The following CTSB variants were observed in gnomAD, a reference collection of about 807,000 sequenced individuals.
The protein encoded by CTSB is APP secretase.
A neutral mutation model predicts 44.3 loss-of-function variants in CTSB; 57 were observed. The observed-to-expected ratio is 1.29, with a 90% CI of 1.04 to 1.60. The LOEUF (loss-of-function observed/expected upper bound fraction) is 1.60. Ranked by LOEUF, CTSB falls within the 40% of genes most tolerant of loss-of-function variation. The pLI is 0.00. For missense variants in CTSB, 768 were observed against 443.0 expected (o/e 1.73, Z -6.59); for synonymous variants, 320 against 168.0 (o/e 1.91, Z -7.00).
intron 7 of CTSB, 73 bp downstream of exon 7, chr8:11,847,606 G>A (rs950411269): frequency 1.4e-5 from 20 of 1,468,890 alleles, no homozygotes; most frequent in South Asian, 2.9e-5. Flanking sequence ...TGACCTCTTC[G>A]CTGCAGCGTG....
At position 11,844,871 on chromosome 8, in the gene CTSB, T is replaced by A; in HGVS notation, c.*254A>T. 2 of 465,672 alleles carry A rather than the reference T, an allele frequency of 4.3e-6. No homozygotes were observed. The highest frequency in any genetic ancestry group is 7.7e-6 in the Non-Finnish European group (2 of 258,738). The allele number at this position is 465,672 out of a possible 1,614,324, so 28.8% of individuals were successfully genotyped here. ...GGCCACAGTCAGCTGGGGCAGCAGG[T>A]ACTCCCTACGGCACTAGTCTACAGG... On this transcript the variant is annotated 3_prime_UTR_variant, in exon 10 of 10. Coordinates refer to ENST00000353047, the MANE Select transcript of CTSB (RefSeq NM_001908.5).
At chr8:11,860,993 T>C (rs1337270699) in intron 1 of CTSB, among the ~76,000 whole-genome samples, 2 of 152,232 alleles carry the variant, frequency 1.3e-5, no homozygotes, top group Non-Finnish European at 2.9e-5. Flanking sequence ...AACTATGCTC[T>C]GTTGTGACCC....
intron 1 of CTSB, chr8:11,867,742 G>GGGAGC (rs1272259427): frequency 6.6e-6 from 1 of 152,248 alleles, no homozygotes; most frequent in African/African-American, 2.4e-5. Context: ...GCCCGGGGAG[G>GGGAGC]GGAGCGGAGG....
At chr8:11,866,645 A>C (rs1379065925) in intron 1 of CTSB, among the ~76,000 whole-genome samples, 1 of 152,156 alleles carries the variant, frequency 6.6e-6, no homozygotes, top group African/African-American at 2.4e-5. Flanking sequence ...GGATCACCTG[A>C]GGTCAGGAGG....
rs772569492 is a variant in CTSB, at chr8:11,853,422, C to A, written c.33G>T (p.Leu11=). The part of the protein sequence containing the change: MWQLWASLCC[L]LVLANARSRP... ...TGCTCCGGGCATTGGCCAACACCAGCAGGCAGCAGAGGGAGGCCCAGAGCT... is the reference window on the plus strand; with the variant it reads ...TGCTCCGGGCATTGGCCAACACCAGAAGGCAGCAGAGGGAGGCCCAGAGCT... Residue 11 remains leucine (L), a synonymous_variant, in exon 2 of 10, where the codon CTG becomes CTT. Coordinates refer to ENST00000353047, the MANE Select transcript of CTSB (RefSeq NM_001908.5). 6.2e-7 allele frequency: 1 copy of A among 1,612,476 alleles called. No homozygotes were observed. The highest frequency in any genetic ancestry group is 8.5e-7 in the Non-Finnish European group (1 of 1,179,768).
chr8:11,862,155 C>T (rs983123797), intron 1 of CTSB, among the ~76,000 whole-genome samples: 4 of 149,876 alleles, frequency 2.7e-5, no homozygotes, highest in Non-Finnish European at 4.4e-5. Flanking sequence ...TGCAGTGAGC[C>T]GAGATCACGC....
chr8:11,863,381 C>T (rs926170389), intron 1 of CTSB, among the ~76,000 whole-genome samples: 1 of 152,016 alleles, frequency 6.6e-6, no homozygotes, highest in Non-Finnish European at 1.5e-5. Context: ...ATCACTTGAA[C>T]CCGGGAGGCG....
At position 11,847,710 on chromosome 8, in the gene CTSB, G is replaced by T; in HGVS notation, c.645C>A (p.Tyr215Ter). 1 of 1,589,040 alleles carries T rather than the reference G, an allele frequency of 6.3e-7. No individual in the cohort carries two copies. The highest frequency in any genetic ancestry group is 1.4e-5 in the African/African-American group (1 of 73,782). ...PKCSKICEPG[Y>*]SPTYKQDKHY... ...GCTTGTCCTGTTTGTAGGTCGGGCT[G>T]TAGCCAGGCTCACAGATCTTGCTAC... Residue 215 changes from tyrosine to a stop codon, truncating the protein, a stop_gained, in exon 7 of 10, where the codon TAC (tyrosine) becomes TAA (stop). Coordinates refer to ENST00000353047, the MANE Select transcript of CTSB (RefSeq NM_001908.5). LOFTEE classifies it high-confidence loss of function.
chr8:11,847,289 G>C, intron 7 of CTSB, 121 bp from the exon 8 acceptor site: 2 of 708,678 alleles, frequency 2.8e-6, no homozygotes, highest in East Asian at 5.0e-5. Context: ...AAGGGGACTT[G>C]CCCTGCCAGG....
chr8:11,864,078 A>C (rs533700543), intron 1 of CTSB, among the ~76,000 whole-genome samples: 1 of 152,244 alleles, frequency 6.6e-6, no homozygotes, highest in South Asian at 2.1e-4. Flanking sequence ...GTAGCAACAG[A>C]AATAAATCTC....
rs757462252 is a variant in CTSB at position 11,845,208 on chromosome 8, G to A, written c.937C>T (p.Leu313Phe). Residue 313 changes from leucine (L) to phenylalanine (F), a missense_variant, in exon 10 of 10, where the codon CTC becomes TTC. By Grantham distance (22) the Leu-to-Phe change is conservative (BLOSUM62 0). Coordinates refer to ENST00000353047, the MANE Select transcript of CTSB (RefSeq NM_001908.5). ...DWGDNGFFKILRGQDHCGIES... is the reference protein window; with the variant it reads ...DWGDNGFFKIFRGQDHCGIES... ...ATTCCACAGTGATCCTGTCCTCTGA[G>A]TATTTTAAAGAAGCCTGGGAATAAA... 12 of 1,612,938 alleles carry A rather than the reference G, an allele frequency of 7.4e-6. No individual in the cohort carries two copies. The highest frequency in any genetic ancestry group is 2.2e-5 in the East Asian group (1 of 44,892).
intron 1 of CTSB, among the ~76,000 whole-genome samples, chr8:11,860,956 T>C (rs1327661299): frequency 2.0e-5 from 3 of 152,260 alleles, no homozygotes; most frequent in Non-Finnish European, 4.4e-5. Flanking sequence ...GGAGCAGCCC[T>C]GCACTGGGTG....
intron 1 of CTSB, among the ~76,000 whole-genome samples, chr8:11,861,014 C>T (rs1816327848): frequency 6.6e-6 from 1 of 152,218 alleles, no homozygotes; most frequent in Admixed American, 6.5e-5. Flanking sequence ...AGAGACCTTT[C>T]CTTTTTGAGT....
intron 1 of CTSB, among the ~76,000 whole-genome samples, chr8:11,856,457 C>CA (rs1258963974): frequency 2.0e-5 from 3 of 151,870 alleles, no homozygotes; most frequent in Non-Finnish European, 2.9e-5. Context: ...CTACTAAATA[C>CA]AAAAAATTAG....
chr8:11,844,440 A>G lies in CTSB; in HGVS notation c.*685T>C, dbSNP rs550545733. 192 of 152,348 alleles carry G rather than the reference A, an allele frequency of 1.3e-3. No individual in the cohort carries two copies. The highest frequency in any genetic ancestry group is 4.4e-3 in the African/African-American group (185 of 41,578). 9.4% of individuals were successfully genotyped at this position (152,348 alleles called of 1,614,324 possible). A position where few individuals can be genotyped will look rare whatever the true frequency, so the allele number is the denominator to read the frequency against. ...TAAACTATTTTCCTTGTGGTAGTAG[A>G]GATCAGTGGGTCAGAAACAACTCCT... On this transcript the variant is annotated 3_prime_UTR_variant, in exon 10 of 10. Coordinates refer to ENST00000353047, the MANE Select transcript of CTSB (RefSeq NM_001908.5).
chr8:11,863,931 T>C (rs73534711), intron 1 of CTSB, among the ~76,000 whole-genome samples: 157 of 152,292 alleles, frequency 1.0e-3, no homozygotes, highest in African/African-American at 3.6e-3. Context: ...ACATGTGCCC[T>C]GCAGAAACTC....
intron 7 of CTSB, among the ~76,000 whole-genome samples, 198 bp downstream of exon 7, chr8:11,847,481 G>A (rs1364216536): frequency 1.3e-5 from 2 of 152,210 alleles, no homozygotes; most frequent in Admixed American, 6.5e-5. Flanking sequence ...AAGGGCTGAG[G>A]CTGAGTTCAG....
At chr8:11,857,474 T>G (rs1815696471) in intron 1 of CTSB, among the ~76,000 whole-genome samples, 1 of 152,160 alleles carries the variant, frequency 6.6e-6, no homozygotes, top group African/African-American at 2.4e-5. Flanking sequence ...ACCCGGGGGC[T>G]TTGTGCTGTA....
intron 1 of CTSB, among the ~76,000 whole-genome samples, chr8:11,866,351 G>A (rs965315456): frequency 1.3e-5 from 2 of 152,254 alleles, no homozygotes; most frequent in South Asian, 4.1e-4. Context: ...CAACACCCAG[G>A]AGAGCTGTGC....
Sources: gnomAD v4.1 joint callset for allele counts (sites outside exome capture counted in the v4.1 genomes callset) on GRCh38, gnomAD v4.1.1 for gene constraint, MANE v1.5 for transcripts, NCBI Gene and HGNC (gene_info 2026-07-23, HGNC 2026-07-21) for gene names.